RNF213: variants seen among roughly 807,000 people sequenced by gnomAD.
RNF213 encodes ring finger protein 213.
Under a neutral mutation model 514.4 loss-of-function variants are expected in RNF213, and 341 were observed. That is an observed-to-expected ratio of 0.66 (90% CI 0.61 to 0.73). The LOEUF is 0.73. Among genes scored for constraint, RNF213 ranks in the 30% least tolerant of loss-of-function variants. RNF213 has a pLI of 0.00. For missense variants in RNF213, 5,767 were observed against 6,615.6 expected, an observed-to-expected ratio of 0.87 and a Z score of 4.45; for synonymous variants, 2,655 against 2,658.2, an observed-to-expected ratio of 1.00 and a Z score of 0.04.
At chr17:80,383,142 C>A in intron 58 of RNF213, 72 bp downstream of exon 58, 2 of 1,090,124 alleles carry the variant, frequency 1.8e-6, no homozygotes, top group Non-Finnish European at 2.8e-6. Context: ...CTGCTGAATG[C>A]TCCTTGCCTG....
In RNF213 at chr17:80,354,100, T is replaced by A; in HGVS notation, c.10660T>A (p.Cys3554Ser). Residue 3554 changes from cysteine to serine, a missense_variant, in exon 35 of 68, where the codon TGC becomes AGC. Physicochemically the swap from Cys to Ser is moderately radical, Grantham distance 112 (BLOSUM62 -1). Transcript: ENST00000582970. ...VGMLRDQNES[C>S]TRNMRRVVLL... ...CATGCTCAGAGACCAGAACGAGAGCTGCACGCGCAATATGCGGAGGGTGGT... is the reference window on the plus strand; with the variant it reads ...CATGCTCAGAGACCAGAACGAGAGCAGCACGCGCAATATGCGGAGGGTGGT... 6.2e-7 allele frequency: 1 copy of A among 1,614,086 alleles called. No individual in the cohort carries two copies. The highest frequency in any genetic ancestry group is 8.5e-7 in the Non-Finnish European group (1 of 1,180,028).
At chr17:80,389,770 G>A (rs776328404) in intron 65 of RNF213, 58 bp from the exon 66 acceptor site, 72 of 1,435,144 alleles carry the variant, frequency 5.0e-5, no homozygotes, top group Non-Finnish European at 6.8e-5. Context: ...CCTGGTGCAC[G>A]ACATGAGTGG....
At chr17:80,381,233 C>T (rs1052660243) in intron 56 of RNF213, 1 of 608,142 alleles carries the variant, frequency 1.6e-6, no homozygotes, top group Non-Finnish European at 2.9e-6. Context: ...TGGTCCACAT[C>T]TGGGAGTAGA....
rs187963706 is a variant in RNF213, at chr17:80,357,436, A to T, written c.10863-852A>T. Among the ~76,000 whole-genome samples the T allele has an allele frequency of 7.8e-4, 119 of 152,262 alleles. 1 individual carries two copies. The highest frequency in any genetic ancestry group is 2.6e-3 in the African/African-American group (110 of 41,538). ...CCATCCACCTGTCTATCAGACACTC[A>T]GATCTAGTGTACAAAAACATCAACA... is the stretch of plus-strand genomic sequence containing the variant. On this transcript the variant is annotated intron_variant, in intron 36 of 67. Transcript: ENST00000582970.
At chr17:80,276,000 G>A (rs1267841073) in intron 3 of RNF213, among the ~76,000 whole-genome samples, 2 of 150,508 alleles carry the variant, frequency 1.3e-5, no homozygotes, top group Non-Finnish European at 3.0e-5. Context: ...TGTTTTGGCT[G>A]TAGGTGTTTA....
chr17:80,284,940 T>C (rs550827385), intron 3 of RNF213, among the ~76,000 whole-genome samples: 66 of 152,278 alleles, frequency 4.3e-4, no homozygotes, highest in African/African-American at 1.5e-3. Context: ...TAGACATCAG[T>C]GGTTGACACC....
intron 7 of RNF213, 130 bp from the exon 8 acceptor site, chr17:80,291,498 C>A: frequency 1.1e-6 from 1 of 906,488 alleles, no homozygotes; most frequent in Non-Finnish European, 1.8e-6. Flanking sequence ...GTTGGGATTT[C>A]AGGCATGGGC....
intron 5 of RNF213, among the ~76,000 whole-genome samples, chr17:80,289,310 C>T (rs1192261558): frequency 2.0e-5 from 3 of 152,300 alleles, no homozygotes; most frequent in Non-Finnish European, 2.9e-5. Context: ...GGAGGCTGGG[C>T]CAGGCGCGGT....
intron 55 of RNF213, among the ~76,000 whole-genome samples, chr17:80,380,221 G>C (rs2079932730): frequency 6.6e-6 from 1 of 152,210 alleles, no homozygotes; most frequent in Non-Finnish European, 1.5e-5. Context: ...ACAATCCCAT[G>C]CTGAGATGAA....
chr17:80,361,531 A>C (rs1266311647), intron 38 of RNF213, among the ~76,000 whole-genome samples: 1 of 152,174 alleles, frequency 6.6e-6, no homozygotes, highest in Non-Finnish European at 1.5e-5. Flanking sequence ...CTCCAAAAAA[A>C]AGGAAAAAGA....
At position 80,380,988 on chromosome 17, in the gene RNF213, G is replaced by A; in HGVS notation, c.13797+1G>A. On this transcript the variant is annotated splice_donor_variant, in intron 56 of 67. Transcript: ENST00000582970. LOFTEE classifies it high-confidence loss of function. ...TCTGGGAGCGTCCCAGAGTTCCCAG[G>A]TATAACCCAGTGCTGCCAAACAATG... 1 of 1,614,142 alleles carries A rather than the reference G, an allele frequency of 6.2e-7. No individual in the cohort carries two copies. The highest frequency in any genetic ancestry group is 8.5e-7 in the Non-Finnish European group (1 of 1,180,002).
rs58866280 is a variant in RNF213 at position 80,396,734 on chromosome 17, ACCCC to A, written c.*3245_*3248del. On this transcript the variant is annotated 3_prime_UTR_variant, in exon 68 of 68. Coordinates refer to ENST00000582970, the MANE Select transcript of RNF213 (RefSeq NM_001256071.3). ...CGCCAGGAAAGTGCATTTCCCCCCC[ACCCC>A]CCCCCCCCAACCAGAGCAACTTTGG... is the stretch of plus-strand genomic sequence containing the variant. 5 of 68,852 alleles carry A rather than the reference ACCCC, an allele frequency of 7.3e-5. No individual in the cohort carries two copies. Among genetic ancestry groups the A allele is most frequent in the African/African-American group, 2.7e-4 (5 of 18,274 alleles). The allele number at this position is 68,852 out of a possible 1,614,324, so 4.3% of individuals were successfully genotyped here.
At chr17:80,289,309 G>C (rs1024864787) in intron 5 of RNF213, among the ~76,000 whole-genome samples, 1 of 152,210 alleles carries the variant, frequency 6.6e-6, no homozygotes, top group African/African-American at 2.4e-5. Flanking sequence ...TGGAGGCTGG[G>C]CCAGGCGCGG....
intron 2 of RNF213, among the ~76,000 whole-genome samples, chr17:80,268,289 C>T (rs144304327): frequency 6.9e-5 from 10 of 144,440 alleles, no homozygotes; most frequent in South Asian, 2.2e-4. Context: ...AGGAGGTCAA[C>T]GCTGCAGTGA....
chr17:80,357,160 G>A (rs766317442), intron 36 of RNF213, among the ~76,000 whole-genome samples: 10 of 151,872 alleles, frequency 6.6e-5, no homozygotes, highest in South Asian at 2.1e-4. Context: ...CAGGTGATCC[G>A]CCCGCCTCAG....
chr17:80,294,963 A>G lies in RNF213; in HGVS notation c.1715A>G (p.Gln572Arg), dbSNP rs778667275. The G allele has an allele frequency of 6.2e-7, 1 of 1,614,212 alleles. No homozygotes were observed. ...CAACAGCCTATGATTTATGAAGGAC[A>G]GGCACAGCTGTGGACCGATTTGCAG... ...VLQQPMIYEG[Q>R]AQLWTDLQYR... Residue 572 changes from glutamine (Q) to arginine (R), a missense_variant, in exon 9 of 68, where the codon CAG becomes CGG. Physicochemically the swap from Gln to Arg is conservative, Grantham distance 43. This residue lies in a region of RNF213 where 592 missense variants were observed against 673.9 expected (regional missense o/e 0.88). Coordinates refer to ENST00000582970, the MANE Select transcript of RNF213 (RefSeq NM_001256071.3).
At chr17:80,348,325 C>T (rs1178426497) in intron 29 of RNF213, 39 bp downstream of exon 29, 2 of 1,603,222 alleles carry the variant, frequency 1.2e-6, no homozygotes, top group Admixed American at 1.7e-5. Context: ...TCCCCTGTCA[C>T]CCAAGAGTCC....
intron 21 of RNF213, 107 bp downstream of exon 21, chr17:80,332,738 G>A: frequency 7.7e-7 from 1 of 1,292,524 alleles, no homozygotes; most frequent in South Asian, 1.6e-5. Context: ...ATGACTTAGA[G>A]CTTCCGTCAG....
chr17:80,343,474 T>C lies in RNF213; in HGVS notation c.6183+149T>C. On this transcript the variant is annotated intron_variant, in intron 27 of 67. Coordinates refer to ENST00000582970, the MANE Select transcript of RNF213 (RefSeq NM_001256071.3). This position sits in a 1 kb window ranked among gnomAD's most constrained non-coding sequence, Gnocchi z 4.3. ...CAGTGGGAATGTGCTCTGAGAAGTG[T>C]GTTGTCAGGCAGTTTCCTCCTTGTG... is the stretch of plus-strand genomic sequence containing the variant. The C allele has an allele frequency of 1.2e-6, 1 of 809,766 alleles. No homozygotes were observed. The highest frequency in any genetic ancestry group is 1.5e-5 in the South Asian group (1 of 66,974). 50.2% of individuals were successfully genotyped at this position (809,766 alleles called of 1,614,324 possible). A position where few individuals can be genotyped will look rare whatever the true frequency, so the allele number is the denominator to read the frequency against.
Sources: gnomAD v4.1 joint callset for allele counts (sites outside exome capture counted in the v4.1 genomes callset) on GRCh38, gnomAD v4.1.1 for gene constraint, gnomAD v4.1.1 regional missense constraint, Gnocchi (gnomAD v3.1) non-coding constraint, MANE v1.5 for transcripts, NCBI Gene and HGNC (gene_info 2026-07-23, HGNC 2026-07-21) for gene names.